The following POU2F1 variants were observed in gnomAD, a reference collection of about 807,000 sequenced individuals.
The protein encoded by POU2F1 is POU domain, class 2, transcription factor 1.
POU2F1 carries 16 observed loss-of-function variants against 84.9 expected under a neutral mutation model. The ratio of observed to expected loss-of-function variants is 0.19; its 90% CI spans 0.13 to 0.29. The LOEUF is 0.29. Among genes scored for constraint, POU2F1 ranks in the 10% least tolerant of loss-of-function variants. POU2F1 has a pLI of 1.00. For synonymous variants in POU2F1, 368 were observed against 368.3 expected (o/e 1.00, Z 0.01); for missense variants, 738 against 942.6 (o/e 0.78, Z 2.84).
intron 8 of POU2F1, among the ~76,000 whole-genome samples, chr1:167,384,456 C>T (rs1445488008): frequency 1.3e-5 from 2 of 151,870 alleles, no homozygotes; most frequent in African/African-American, 4.8e-5. Context: ...GACCTGATTC[C>T]ACTTCTTATC....
intron 13 of POU2F1, among the ~76,000 whole-genome samples, chr1:167,410,584 C>T (rs986091537): frequency 6.6e-6 from 1 of 151,930 alleles, no homozygotes; most frequent in African/African-American, 2.4e-5. Context: ...GGCGTCATCT[C>T]GGCTCACTGC....
intron 1 of POU2F1, among the ~76,000 whole-genome samples, chr1:167,234,176 C>T (rs1649281839): frequency 6.6e-6 from 1 of 152,166 alleles, no homozygotes; most frequent in Admixed American, 6.5e-5. Flanking sequence ...CTGTTAAGAT[C>T]TATAGATTTA....
intron 1 of POU2F1, among the ~76,000 whole-genome samples, chr1:167,316,026 A>G (rs1287861080): frequency 2.0e-5 from 3 of 152,222 alleles, no homozygotes; most frequent in African/African-American, 4.8e-5. Context: ...ATAACCAGTT[A>G]TGAAGGTGGA....
At chr1:167,261,938 G>T (rs993810791) in intron 1 of POU2F1, among the ~76,000 whole-genome samples, 2 of 152,198 alleles carry the variant, frequency 1.3e-5, no homozygotes, top group Non-Finnish European at 2.9e-5. Context: ...GCCTGCCTCA[G>T]CCTCCCAAAG....
rs997113920 is a variant in POU2F1 at position 167,416,203 on chromosome 1, A to G, written c.*393A>G. Reference sequence around the variant, plus strand: ...AAGTTAAGGTGGGTTACCAATTCCAATATAGGAAGGGGATTTCTTGTTTGT... The same window carrying G: ...AAGTTAAGGTGGGTTACCAATTCCAGTATAGGAAGGGGATTTCTTGTTTGT... On this transcript the variant is annotated 3_prime_UTR_variant, in exon 16 of 16. Transcript: ENST00000367866. 2.5e-5 allele frequency: 8 copies of G among 319,228 alleles called. No individual in the cohort carries two copies. Among genetic ancestry groups the G allele is most frequent in the African/African-American group, 1.1e-4 (5 of 45,096 alleles). The allele number at this position is 319,228 out of a possible 1,614,324, so 19.8% of individuals were successfully genotyped here.
intron 1 of POU2F1, among the ~76,000 whole-genome samples, chr1:167,267,057 C>T (rs1652013545): frequency 6.6e-6 from 1 of 151,844 alleles, no homozygotes. Context: ...AACCCAATAC[C>T]TGTATTAATA....
At chr1:167,297,324 G>A (rs1654350700) in intron 1 of POU2F1, among the ~76,000 whole-genome samples, 1 of 152,192 alleles carries the variant, frequency 6.6e-6, no homozygotes, top group Admixed American at 6.5e-5. Context: ...GAAATACAAA[G>A]GAGTTTGCGT....
intron 1 of POU2F1, among the ~76,000 whole-genome samples, chr1:167,232,360 G>T (rs1324929686): frequency 2.0e-5 from 3 of 152,172 alleles, no homozygotes; most frequent in East Asian, 3.9e-4. Flanking sequence ...CCCTGTGTGG[G>T]CCTAGGCTGA....
chr1:167,246,795 T>G (rs1250428394), intron 1 of POU2F1, among the ~76,000 whole-genome samples: 4 of 152,118 alleles, frequency 2.6e-5, no homozygotes. Context: ...AAGGTGAAAT[T>G]TGGAAATAAC....
At chr1:167,335,071 T>C (rs1186828488) in intron 2 of POU2F1, among the ~76,000 whole-genome samples, 1 of 152,198 alleles carries the variant, frequency 6.6e-6, no homozygotes, top group African/African-American at 2.4e-5. Context: ...AGAGGCAAAA[T>C]CAAATGATGC....
At chr1:167,406,325 C>T (rs951044979) in intron 13 of POU2F1, among the ~76,000 whole-genome samples, 2 of 152,030 alleles carry the variant, frequency 1.3e-5, no homozygotes, top group South Asian at 2.1e-4. Flanking sequence ...TGTAAAAATC[C>T]AAAACCCATT....
chr1:167,282,198 A>G lies in POU2F1; in HGVS notation c.62-50272A>G, dbSNP rs565790492. 4.3e-4 allele frequency among the ~76,000 whole-genome samples: 65 copies of G among 151,114 alleles called. No individual in the cohort carries two copies. In the Middle Eastern group the frequency reaches 0.02, roughly 47 times the overall value. ...CGCTCTGTCGCCCAGGCTGGAATGC[A>G]GTGGCGCGATCCCGGCTCACTGCAA... On this transcript the variant is annotated intron_variant, in intron 1 of 15. Coordinates refer to ENST00000367866, the MANE Select transcript of POU2F1 (RefSeq NM_002697.4).
At chr1:167,261,082 T>C (rs1651530353) in intron 1 of POU2F1, among the ~76,000 whole-genome samples, 1 of 152,176 alleles carries the variant, frequency 6.6e-6, no homozygotes, top group South Asian at 2.1e-4. Flanking sequence ...TTTATAAATG[T>C]CTTGTCTGAT....
intron 7 of POU2F1, among the ~76,000 whole-genome samples, chr1:167,382,836 G>GTA (rs1416830426): frequency 7.9e-5 from 12 of 152,014 alleles, no homozygotes; most frequent in Admixed American, 2.6e-4. Flanking sequence ...ATAAATATTA[G>GTA]TATCTTTTGA....
At chr1:167,281,220 G>A (rs1166836724) in intron 1 of POU2F1, among the ~76,000 whole-genome samples, 1 of 152,150 alleles carries the variant, frequency 6.6e-6, no homozygotes, top group Non-Finnish European at 1.5e-5. Flanking sequence ...AATATTTAAA[G>A]CGTCTTATTC....
Position 167,418,939 on chromosome 1 carries a change from TA to T in POU2F1, c.*3130del, listed in dbSNP as rs1650476508. ...ATAAATTTTTTTCTCTTTTTTTACT[TA>T]TTTAAAAATAAGTTGTGAAATGAAA... On this transcript the variant is annotated 3_prime_UTR_variant, in exon 16 of 16. Transcript: ENST00000367866. 6.6e-6 allele frequency: 1 copy of T among 152,210 alleles called. No homozygotes were observed. The highest frequency in any genetic ancestry group is 2.4e-5 in the African/African-American group (1 of 41,448). 9.4% of individuals were successfully genotyped at this position (152,210 alleles called of 1,614,324 possible). A position where few individuals can be genotyped will look rare whatever the true frequency, so the allele number is the denominator to read the frequency against.
chr1:167,255,746 A>G (rs578216318), intron 1 of POU2F1, among the ~76,000 whole-genome samples: 1 of 152,318 alleles, frequency 6.6e-6, no homozygotes, highest in East Asian at 1.9e-4. Flanking sequence ...ATCTTTGAGA[A>G]TCGGTGACTG....
chr1:167,325,372 T>C (rs773642559), intron 1 of POU2F1, among the ~76,000 whole-genome samples: 3 of 152,152 alleles, frequency 2.0e-5, no homozygotes, highest in Non-Finnish European at 2.9e-5. Context: ...CAACTAGTTA[T>C]ATGGTCAGTA....
At chr1:167,351,519 C>CAAAAAAAAAAAAAAAAAAAAAAGAA (rs1658566955) in intron 2 of POU2F1, among the ~76,000 whole-genome samples, 1 of 45,996 alleles carries the variant, frequency 2.2e-5, no homozygotes, top group Non-Finnish European at 4.3e-5. Context: ...AGCACCATCT[C>CAAAAAAAAAAAAAAAAAAAAAAGAA]AAAAAAAAAA....
Sources: gnomAD v4.1 joint callset for allele counts (sites outside exome capture counted in the v4.1 genomes callset) on GRCh38, gnomAD v4.1.1 for gene constraint, MANE v1.5 for transcripts, NCBI Gene and HGNC (gene_info 2026-07-23, HGNC 2026-07-21) for gene names.